The following EIF3A variants were observed in gnomAD, a reference collection of about 807,000 sequenced individuals.
EIF3A encodes the protein eukaryotic translation initiation factor 3 subunit A, also known as EIF3, p180 subunit.
In EIF3A, 21 loss-of-function variants were observed where a neutral mutation model predicts 186.6. That is an observed-to-expected ratio of 0.11 (90% CI 0.08 to 0.16). The LOEUF (loss-of-function observed/expected upper bound fraction) is 0.16, where lower values mean the gene tolerates loss of function less well. EIF3A is among the 10% of genes least tolerant of loss of function. The pLI is 1.00. For synonymous variants in EIF3A, 563 were observed against 584.3 expected (o/e 0.96, Z 0.52); for missense variants, 1,306 against 1,796.3 (o/e 0.73, Z 4.93).
rs764631240 is a variant in EIF3A at position 119,061,311 on chromosome 10, T to C, written c.1140A>G (p.Leu380=). ...LINDMVRFNV[L]QYVVPEVKDL... ...CTTTCACTTCTGGGACAACATATTG[T>C]AGTACATTAAATCTGACCTACAGTA... Residue 380 remains leucine (L), a synonymous_variant, in exon 8 of 22, where the codon CTA becomes CTG. Transcript: ENST00000369144. 2 of 1,565,010 alleles carry C rather than the reference T, an allele frequency of 1.3e-6. No individual in the cohort carries two copies. Among genetic ancestry groups the C allele is most frequent in the South Asian group, 1.1e-5 (1 of 86,998 alleles).
Position 119,069,955 on chromosome 10 carries a change from T to A in EIF3A, c.742-301A>T, listed in dbSNP as rs1440465626. Among the ~76,000 whole-genome samples, 4 of 152,232 alleles carry A rather than the reference T, an allele frequency of 2.6e-5. No individual in the cohort carries two copies. In the East Asian group the frequency reaches 7.7e-4, roughly 29 times the overall value. On this transcript the variant is annotated intron_variant, in intron 5 of 21. Coordinates refer to ENST00000369144, the MANE Select transcript of EIF3A (RefSeq NM_003750.4). Reference sequence around the variant, plus strand: ...TATAAAGAAAAAATCTAGAAGGATATACAACAGGTTATTTCTGAGTGATAA... The same window carrying A: ...TATAAAGAAAAAATCTAGAAGGATAAACAACAGGTTATTTCTGAGTGATAA...
chr10:119,072,666 G>A (rs1417585280), intron 4 of EIF3A, among the ~76,000 whole-genome samples: 1 of 152,122 alleles, frequency 6.6e-6, no homozygotes, highest in Non-Finnish European at 1.5e-5. Flanking sequence ...TGTTGGCCAG[G>A]CCGCTCTTGA....
Position 119,034,794 on chromosome 10 carries a change from C to T in EIF3A, c.*1245G>A, listed in dbSNP as rs544708139. ...CCCAAGGTGGTACTTCAAACACGCA[C>T]ATGCACACACAAACTCAGAGGACAG... On this transcript the variant is annotated 3_prime_UTR_variant, in exon 22 of 22. Coordinates refer to ENST00000369144, the MANE Select transcript of EIF3A (RefSeq NM_003750.4). 2.4e-4 allele frequency: 37 copies of T among 152,310 alleles called. No homozygotes were observed. Among genetic ancestry groups the T allele is most frequent in the Non-Finnish European group, 3.7e-4 (25 of 68,020 alleles). 9.4% of individuals were successfully genotyped at this position (152,310 alleles called of 1,614,324 possible).
intron 19 of EIF3A, among the ~76,000 whole-genome samples, chr10:119,040,609 G>A (rs1275969415): frequency 6.6e-6 from 1 of 152,176 alleles, no homozygotes. Context: ...AGTGGCTCAC[G>A]CCTGTAATCC....
At chr10:119,046,928 GC>G (rs1405048011) in intron 17 of EIF3A, among the ~76,000 whole-genome samples, 3 of 151,992 alleles carry the variant, frequency 2.0e-5, no homozygotes, top group African/African-American at 7.3e-5. Flanking sequence ...TTGCACTCCA[GC>G]CCGGGCAAAA....
At chr10:119,079,914 A>G (rs993613691) in intron 1 of EIF3A, among the ~76,000 whole-genome samples, 6 of 152,226 alleles carry the variant, frequency 3.9e-5, no homozygotes, top group Non-Finnish European at 7.3e-5. Context: ...GTCCCTTTAC[A>G]TTAACTCTAT....
Position 119,061,292 on chromosome 10 carries a change from C to T in EIF3A, c.1159G>A (p.Val387Met). 1.3e-6 allele frequency: 2 copies of T among 1,591,962 alleles called. No individual in the cohort carries two copies. The highest frequency in any genetic ancestry group is 2.3e-5 in the East Asian group (1 of 44,372). ...FNVLQYVVPEVKDLYNWLEVE... is the reference protein window; with the variant it reads ...FNVLQYVVPEMKDLYNWLEVE... ...TCAAGCCAATTGTAAAGGTCTTTCA[C>T]TTCTGGGACAACATATTGTAGTACA... is the stretch of plus-strand genomic sequence containing the variant. Residue 387 changes from valine to methionine, a missense_variant, in exon 8 of 22, where the codon GTG becomes ATG. Physicochemically the swap from Val to Met is conservative, Grantham distance 21. Coordinates refer to ENST00000369144, the MANE Select transcript of EIF3A (RefSeq NM_003750.4).
chr10:119,043,114 T>C (rs1441722238), intron 18 of EIF3A, among the ~76,000 whole-genome samples: 1 of 151,182 alleles, frequency 6.6e-6, no homozygotes, highest in African/African-American at 2.4e-5. Context: ...CAAAACCCCA[T>C]CACTATAAAG....
In EIF3A at chr10:119,059,699, C is replaced by A. The variant is rs1027319681; in HGVS notation, c.1346G>T (p.Ser449Ile). 6.2e-7 allele frequency: 1 copy of A among 1,613,648 alleles called. No individual in the cohort carries two copies. Among genetic ancestry groups the A allele is most frequent in the East Asian group, 2.2e-5 (1 of 44,874 alleles). Residue 449 changes from serine (S) to isoleucine (I), a missense_variant, in exon 10 of 22, where the codon AGC (serine) becomes ATC (isoleucine). This residue lies in a region of EIF3A where 267 missense variants were observed against 367.8 expected (regional missense o/e 0.73). Transcript: ENST00000369144. ...AGAAGTCAAACGAGAAAACTCAATG[C>A]TCTGATAAATCTGTGACACCTGCAT... ...LLQQVSQIYQ[S>I]IEFSRLTSLV...
intron 17 of EIF3A, among the ~76,000 whole-genome samples, chr10:119,044,907 C>T (rs1174143661): frequency 6.6e-6 from 1 of 150,546 alleles, no homozygotes; most frequent in Admixed American, 6.7e-5. Flanking sequence ...TCAAACAATG[C>T]GTGAATAAGA....
chr10:119,073,897 A>C lies in EIF3A; in HGVS notation c.90T>G (p.Val30=). 1 of 1,605,938 alleles carries C rather than the reference A, an allele frequency of 6.2e-7. No individual in the cohort carries two copies. Among genetic ancestry groups the C allele is most frequent in the South Asian group, 1.1e-5 (1 of 88,680 alleles). Residue 30 remains valine (V), a synonymous_variant, in exon 2 of 22, where the codon GTT becomes GTG. Coordinates refer to ENST00000369144, the MANE Select transcript of EIF3A (RefSeq NM_003750.4). ...TTTTACTTTTCATAACATCATAAAG[A>C]ACATCCAGAGCAGGCTGCTTTTTGC... ...EVGKKQPALD[V]LYDVMKSKKH... is the part of the protein sequence containing the mutation.
At chr10:119,039,996 TCTGCTATA>T (rs564563484) in intron 19 of EIF3A, among the ~76,000 whole-genome samples, 157 of 152,272 alleles carry the variant, frequency 1.0e-3, no homozygotes, top group African/African-American at 3.0e-3. Flanking sequence ...TTAGTAAGAA[TCTGCTATA>T]CTGTTACCCC....
intron 3 of EIF3A, 86 bp downstream of exon 3, chr10:119,073,355 T>C: frequency 9.7e-7 from 1 of 1,035,634 alleles, no homozygotes; most frequent in Non-Finnish European, 1.4e-6. Flanking sequence ...CTGATAAACA[T>C]CTACTTCAAA....
rs144517886 is a variant in EIF3A at position 119,080,546 on chromosome 10, G to A, written c.49+82C>T. The A allele has an allele frequency of 1.6e-3, 2,371 of 1,484,344 alleles. 5 individuals are homozygous for A. The highest frequency in any genetic ancestry group is 4.7e-3 in the Middle Eastern group (22 of 4,712). The allele number at this position is 1,484,344 out of a possible 1,614,324, so 91.9% of individuals were successfully genotyped here. Reference sequence around the variant, plus strand: ...CTCTCCCCGCGCGGGCCGGGCGGCGGAGCAGTGGGAAGCAGGCCCGCGCTC... The same window carrying A: ...CTCTCCCCGCGCGGGCCGGGCGGCGAAGCAGTGGGAAGCAGGCCCGCGCTC... On this transcript the variant is annotated intron_variant, in intron 1 of 21. Transcript: ENST00000369144.
chr10:119,061,433 A>G (rs1843886655), intron 7 of EIF3A, 105 bp from the exon 8 acceptor site: 2 of 524,834 alleles, frequency 3.8e-6, no homozygotes, highest in Non-Finnish European at 3.4e-6. Flanking sequence ...AATGATTTAA[A>G]AAATCATCAA....
intron 4 of EIF3A, among the ~76,000 whole-genome samples, chr10:119,072,039 A>AG (rs1844082186): frequency 2.3e-5 from 3 of 130,990 alleles, no homozygotes; most frequent in East Asian, 2.1e-4. Context: ...AAAAAAAAAA[A>AG]AAAAAAAGAA....
intron 1 of EIF3A, chr10:119,080,256 G>A: frequency 1.0e-5 from 10 of 954,796 alleles, no homozygotes; most frequent in Non-Finnish European, 1.1e-5. Context: ...GATGGCGGCC[G>A]GGGACGCGGG....
In EIF3A at chr10:119,065,461, G is replaced by T; in HGVS notation, c.1060C>A (p.Arg354Ser). The change falls in exon 7 of 22, where the codon CGC becomes AGC. Residue 354 changes from arginine to serine, a missense_variant. By Grantham distance (110) the Arg-to-Ser change is moderately radical (BLOSUM62 -1). Transcript: ENST00000369144. The part of the protein sequence containing the change: ...MDGIIVEKQR[R>S]LATLLGLQAP... ...TGAAGACCTAGTAGTGTTGCAAGGC[G>T]ACGCTGTTTTTCAACTATAATGCCA... The T allele has an allele frequency of 6.2e-7, 1 of 1,613,600 alleles. No individual in the cohort carries two copies. Among genetic ancestry groups the T allele is most frequent in the South Asian group, 1.1e-5 (1 of 91,064 alleles).
intron 15 of EIF3A, 41 bp from the exon 16 acceptor site, chr10:119,050,715 T>C: frequency 6.2e-7 from 1 of 1,609,776 alleles, no homozygotes. Flanking sequence ...GGGCACACTT[T>C]GTCAAGAGCA....
Sources: allele counts gnomAD v4.1 joint callset (sites outside exome capture counted in the v4.1 genomes callset), GRCh38; gene constraint gnomAD v4.1.1; regional missense constraint gnomAD v4.1.1; transcripts MANE v1.5; gene names NCBI Gene and HGNC (gene_info 2026-07-23, HGNC 2026-07-21).